Variants in SMC5 observed in about 807,000 individuals in gnomAD.
The protein encoded by SMC5 is structural maintenance of chromosomes protein 5.
Under a neutral mutation model 148.3 loss-of-function variants are expected in SMC5, and 88 were observed. The ratio of observed to expected loss-of-function variants is 0.59; its 90% CI spans 0.50 to 0.71. SMC5 has a LOEUF of 0.71. SMC5 is among the 30% of genes least tolerant of loss of function. SMC5 has a pLI of 0.00. For missense variants in SMC5, 1,142 were observed against 1,298.9 expected (o/e 0.88, Z 1.86); for synonymous variants, 421 against 432.8 (o/e 0.97, Z 0.34).
At chr9:70,309,318 C>CTTTTTTTTTTTTTTTTTTTTTTTT (rs59694037) in intron 11 of SMC5, among the ~76,000 whole-genome samples, 3 of 79,158 alleles carry the variant, frequency 3.8e-5, no homozygotes, top group African/African-American at 9.1e-5. Flanking sequence ...TTTCCTTTTC[C>CTTTTTTTTTTTTTTTTTTTTTTTT]TTTTTTTTTT....
chr9:70,292,491 A>C (rs1810971690), intron 8 of SMC5, among the ~76,000 whole-genome samples: 1 of 152,074 alleles, frequency 6.6e-6, no homozygotes, highest in African/African-American at 2.4e-5. Context: ...ATTTGTATGC[A>C]CTTAGTTTTC....
intron 11 of SMC5, chr9:70,311,821 G>A (rs371319238): frequency 6.6e-6 from 1 of 151,940 alleles, no homozygotes; most frequent in African/African-American, 2.4e-5. Context: ...TATGTAGAAA[G>A]TCCTGTCTTT....
In SMC5 at chr9:70,277,362, A is replaced by G. The variant is rs1016767897; in HGVS notation, c.433A>G (p.Asn145Asp). The G allele has an allele frequency of 2.5e-6, 4 of 1,602,968 alleles. No individual in the cohort carries two copies. Among genetic ancestry groups the G allele is most frequent in the Non-Finnish European group, 3.4e-6 (4 of 1,174,644 alleles). The change falls in exon 4 of 25, where the codon AAT becomes GAT. Residue 145 changes from asparagine to aspartate, a missense_variant. Physicochemically the swap from Asn to Asp is conservative, Grantham distance 23. This residue lies in a region of SMC5 where 297 missense variants were observed against 302.6 expected (regional missense o/e 0.98). Transcript: ENST00000361138. ...CACCCGTGAGATTGATGTGGCAAAA[A>G]ATCAGTCCTTTTGGTTCATCAACAA... Reference protein sequence around the residue: ...VITREIDVAKNQSFWFINKKS... With the variant: ...VITREIDVAKDQSFWFINKKS...
At chr9:70,311,771 G>A (rs1286419844) in intron 11 of SMC5, 3 of 151,780 alleles carry the variant, frequency 2.0e-5, no homozygotes, top group African/African-American at 7.3e-5. Context: ...AATAAAATGA[G>A]GTATGCCTAT....
In SMC5 at chr9:70,324,065, A is replaced by G. The variant is rs755207272; in HGVS notation, c.2319A>G (p.Gln773=). 1.3e-6 allele frequency: 2 copies of G among 1,594,054 alleles called. No individual in the cohort carries two copies. Among genetic ancestry groups the G allele is most frequent in the Non-Finnish European group, 1.7e-6 (2 of 1,175,178 alleles). ...TACAAAAAGTAGATTTAATTCTCCA[A>G]AATACTACAGTGATCTCTGAGAAGA... ...LHIQKVDLIL[Q]NTTVISEKNK... is the part of the protein sequence containing the mutation. Residue 773 remains glutamine (Q), a synonymous_variant, in exon 17 of 25, where the codon CAA becomes CAG. Transcript: ENST00000361138.
chr9:70,282,509 C>A lies in SMC5; in HGVS notation c.907C>A (p.Gln303Lys). 2 of 1,608,428 alleles carry A rather than the reference C, an allele frequency of 1.2e-6. No homozygotes were observed. Among genetic ancestry groups the A allele is most frequent in the Non-Finnish European group, 1.7e-6 (2 of 1,177,992 alleles). The change falls in exon 7 of 25, where the codon CAG (glutamine) becomes AAG (lysine). Residue 303 changes from glutamine (Q) to lysine (K), a missense_variant. Transcript: ENST00000361138. ...AGAGGTCAGAAAACTTAAAGAAGGG[C>A]AGATTCCTGTAACATGTCGAATTGA... Reference protein sequence around the residue: ...KEEVRKLKEGQIPVTCRIEEM... With the variant: ...KEEVRKLKEGKIPVTCRIEEM...
At chr9:70,301,878 A>G (rs116255552) in intron 10 of SMC5, among the ~76,000 whole-genome samples, 312 of 152,192 alleles carry the variant, frequency 2.1e-3, no homozygotes, top group African/African-American at 6.8e-3. Context: ...AAAATCATAA[A>G]GCAGAAAGAT....
At chr9:70,346,776 T>G in intron 19 of SMC5, 127 bp downstream of exon 19, 1 of 938,368 alleles carries the variant, frequency 1.1e-6, no homozygotes, top group African/African-American at 1.6e-5. Context: ...TCCTGTAGCA[T>G]GAACTGATAC....
At chr9:70,277,919 T>C (rs2034636793) in intron 4 of SMC5, among the ~76,000 whole-genome samples, 1 of 151,994 alleles carries the variant, frequency 6.6e-6, no homozygotes, top group Non-Finnish European at 1.5e-5. Flanking sequence ...ATGCTAATAA[T>C]TTATGTTAAA....
rs1194388744 is a variant in SMC5, at chr9:70,259,047, G to A, written c.-32G>A. 1 of 1,574,278 alleles carries A rather than the reference G, an allele frequency of 6.4e-7. No homozygotes were observed. The highest frequency in any genetic ancestry group is 1.2e-5 in the South Asian group (1 of 86,334). On this transcript the variant is annotated 5_prime_UTR_variant, in exon 1 of 25. Coordinates refer to ENST00000361138, the MANE Select transcript of SMC5 (RefSeq NM_015110.4). The stretch of plus-strand genomic sequence containing the variant: ...GCCTGGGCTGCCGGACGGTGGGAAC[G>A]GAAGTCGCTGTGGGACGCTGAGGAA...
intron 15 of SMC5, among the ~76,000 whole-genome samples, chr9:70,321,371 G>A (rs2035940359): frequency 6.6e-6 from 1 of 150,996 alleles, no homozygotes; most frequent in African/African-American, 2.4e-5. Context: ...TGTACAAAAT[G>A]TAAATATAAT....
intron 8 of SMC5, among the ~76,000 whole-genome samples, chr9:70,291,850 T>C (rs2035068620): frequency 6.6e-6 from 1 of 152,120 alleles, no homozygotes; most frequent in Non-Finnish European, 1.5e-5. Flanking sequence ...ATTGCATTTT[T>C]TTTTTTTGCC....
chr9:70,281,537 CAGTTCGGGTTAA>C (rs1040369438), intron 6 of SMC5, among the ~76,000 whole-genome samples: 1 of 152,136 alleles, frequency 6.6e-6, no homozygotes, highest in Non-Finnish European at 1.5e-5. Flanking sequence ...ATTAAGACTA[CAGTTCGGGTTAA>C]AGATTCAATT....
At chr9:70,279,908 A>G (rs2034704711) in intron 5 of SMC5, among the ~76,000 whole-genome samples, 1 of 152,006 alleles carries the variant, frequency 6.6e-6, no homozygotes, top group African/African-American at 2.4e-5. Flanking sequence ...ATTGTGTCAC[A>G]GGGGTTTGGT....
chr9:70,268,445 A>C lies in SMC5; in HGVS notation c.380+470A>C, dbSNP rs1306500431. On this transcript the variant is annotated intron_variant, in intron 3 of 24. Transcript: ENST00000361138. ...TGGGAGACAGAGCTAGACTCTGCCCATGCCCCCTGCCCCCCCCAAAAAAAA... is the reference window on the plus strand; with the variant it reads ...TGGGAGACAGAGCTAGACTCTGCCCCTGCCCCCTGCCCCCCCCAAAAAAAA... 2.0e-5 allele frequency among the ~76,000 whole-genome samples: 3 copies of C among 150,786 alleles called. No individual in the cohort carries two copies. In the South Asian group the frequency reaches 6.4e-4, roughly 32 times the overall value.
intron 3 of SMC5, among the ~76,000 whole-genome samples, chr9:70,275,038 A>G (rs1384474927): frequency 2.0e-5 from 3 of 152,108 alleles, no homozygotes; most frequent in Non-Finnish European, 4.4e-5. Context: ...ACTTTCTGCC[A>G]AAAGGATATT....
chr9:70,310,653 T>G (rs984443317), intron 11 of SMC5, among the ~76,000 whole-genome samples: 1 of 152,198 alleles, frequency 6.6e-6, no homozygotes, highest in Non-Finnish European at 1.5e-5. Flanking sequence ...AAGTTTTGAA[T>G]CCAGTCATTG....
At chr9:70,294,819 T>C (rs1486753431) in intron 8 of SMC5, among the ~76,000 whole-genome samples, 1 of 152,080 alleles carries the variant, frequency 6.6e-6, no homozygotes, top group African/African-American at 2.4e-5. Context: ...AAGAGTTAGA[T>C]TGATTTTCTG....
In SMC5 at chr9:70,298,144, A is replaced by C. The variant is rs1564040169; in HGVS notation, c.1232A>C (p.Gln411Pro). ...DAITNDLRRI[Q>P]DEKALCEGEI... Reference sequence around the variant, plus strand: ...ATTACAAATGATCTGAGACGGATTCAGGATGAAAAGGCATTATGTGAAGGC... The same window carrying C: ...ATTACAAATGATCTGAGACGGATTCCGGATGAAAAGGCATTATGTGAAGGC... The change falls in exon 9 of 25, where the codon CAG (glutamine) becomes CCG (proline). Residue 411 changes from glutamine to proline, a missense_variant. By Grantham distance (76) the Gln-to-Pro change is moderately conservative. Coordinates refer to ENST00000361138, the MANE Select transcript of SMC5 (RefSeq NM_015110.4). 6.2e-7 allele frequency: 1 copy of C among 1,614,104 alleles called. No individual in the cohort carries two copies. The highest frequency in any genetic ancestry group is 1.3e-5 in the African/African-American group (1 of 75,068).
Sources: gnomAD v4.1 joint callset for allele counts (sites outside exome capture counted in the v4.1 genomes callset) on GRCh38, gnomAD v4.1.1 for gene constraint, gnomAD v4.1.1 regional missense constraint, MANE v1.5 for transcripts, NCBI Gene and HGNC (gene_info 2026-07-23, HGNC 2026-07-21) for gene names.